The following GRID2 variants were observed in gnomAD, a reference collection of about 807,000 sequenced individuals.
GRID2 encodes glutamate receptor ionotropic, delta-2.
Under a neutral mutation model 114.8 loss-of-function variants are expected in GRID2, and 33 were observed. The ratio of observed to expected loss-of-function variants is 0.29; its 90% confidence interval spans 0.22 to 0.38. The LOEUF is 0.38. Among genes scored for constraint, GRID2 ranks in the 10% least tolerant of loss-of-function variants. The pLI, the probability that GRID2 is intolerant of heterozygous loss-of-function variation, is 1.00. For synonymous variants in GRID2, 505 were observed against 449.9 expected, an observed-to-expected ratio of 1.12 and a Z score of -1.55; for missense variants, 1,184 against 1,257.7, an observed-to-expected ratio of 0.94 and a Z score of 0.89.
chr4:93,780,736 A>T (rs1734462726), intron 1 of GRID2, among the ~76,000 whole-genome samples: 1 of 152,198 alleles, frequency 6.6e-6, no homozygotes, highest in African/African-American at 2.4e-5. Flanking sequence ...GAGGCTCACA[A>T]CCATGGAAAG....
At position 92,957,074 on chromosome 4, in the gene GRID2, G is replaced by A. The variant is rs148756609; in HGVS notation, c.245-127921G>A. 2.6e-3 allele frequency among the ~76,000 whole-genome samples: 394 copies of A among 151,954 alleles called. 4 individuals carry two copies. The highest frequency in any genetic ancestry group is 9.2e-3 in the African/African-American group (382 of 41,456). ...TAGCCCTCTATCAGATATGTCTTTT[G>A]CACGTATTTTCTCTCAGTCTGTTGC... On this transcript the variant is annotated intron_variant, in intron 2 of 15. Coordinates refer to ENST00000282020, the MANE Select transcript of GRID2 (RefSeq NM_001510.4).
intron 10 of GRID2, among the ~76,000 whole-genome samples, chr4:93,428,242 C>T (rs1769040266): frequency 6.6e-6 from 1 of 151,960 alleles, no homozygotes. Flanking sequence ...CTAAAAACTT[C>T]CTTTTTCATA....
chr4:93,019,149 G>T (rs1449649133), intron 2 of GRID2, among the ~76,000 whole-genome samples: 2 of 151,878 alleles, frequency 1.3e-5, no homozygotes, highest in African/African-American at 4.8e-5. Flanking sequence ...TATTCTCTAG[G>T]ATCTAAAAGT....
chr4:92,495,785 A>G (rs2149118109), intron 1 of GRID2, among the ~76,000 whole-genome samples: 1 of 152,022 alleles, frequency 6.6e-6, no homozygotes, highest in Non-Finnish European at 1.5e-5. Flanking sequence ...TAGGGTGGTC[A>G]TTTTCTGATC....
chr4:92,919,875 G>A (rs1749158523), intron 2 of GRID2, among the ~76,000 whole-genome samples: 1 of 152,166 alleles, frequency 6.6e-6, no homozygotes, highest in South Asian at 2.1e-4. Context: ...GGTCCGCTTG[G>A]TGCAGAGCTG....
At chr4:92,847,600 T>C (rs1167434630) in intron 2 of GRID2, among the ~76,000 whole-genome samples, 1 of 152,080 alleles carries the variant, frequency 6.6e-6, no homozygotes, top group East Asian at 1.9e-4. Context: ...ACTTCAGATC[T>C]CTGTAATTTT....
intron 1 of GRID2, among the ~76,000 whole-genome samples, chr4:92,354,043 A>T (rs1728200213): frequency 6.6e-6 from 1 of 152,020 alleles, no homozygotes; most frequent in South Asian, 2.1e-4. Context: ...AAAAAGAGAG[A>T]CAAATGCCAT....
chr4:92,961,942 C>A (rs543562948), intron 2 of GRID2, among the ~76,000 whole-genome samples: 5 of 151,536 alleles, frequency 3.3e-5, no homozygotes, highest in Non-Finnish European at 7.4e-5. Context: ...CAACCATGAC[C>A]GATCTACTAA....
chr4:93,037,869 C>T lies in GRID2; in HGVS notation c.245-47126C>T, dbSNP rs144583664. ...TGTAGTATAGTTTGAAGTTAGGTAGCGTGATCCCTCCAGCTTTCTTCTTTT... is the reference window on the plus strand; with the variant it reads ...TGTAGTATAGTTTGAAGTTAGGTAGTGTGATCCCTCCAGCTTTCTTCTTTT... On this transcript the variant is annotated intron_variant, in intron 2 of 15. Coordinates refer to ENST00000282020, the MANE Select transcript of GRID2 (RefSeq NM_001510.4). 4.6e-5 allele frequency among the ~76,000 whole-genome samples: 7 copies of T among 152,146 alleles called. No homozygotes were observed. The East Asian group carries it at 7.7e-4, about 17-fold the overall frequency.
At chr4:92,553,396 CA>C (rs1682985853) in intron 1 of GRID2, among the ~76,000 whole-genome samples, 1 of 152,060 alleles carries the variant, frequency 6.6e-6, no homozygotes. Context: ...ATACCATGAG[CA>C]AAAGCTTGTT....
chr4:93,241,359 C>T (rs1747488903), intron 8 of GRID2, among the ~76,000 whole-genome samples: 1 of 151,540 alleles, frequency 6.6e-6, no homozygotes, highest in Non-Finnish European at 1.5e-5. Flanking sequence ...ATGGAAATAA[C>T]AGTAGTAGGC....
At chr4:93,007,232 A>G (rs1470165775) in intron 2 of GRID2, among the ~76,000 whole-genome samples, 1 of 152,056 alleles carries the variant, frequency 6.6e-6, no homozygotes, top group African/African-American at 2.4e-5. Flanking sequence ...TATAAAGGTT[A>G]TAACTGAAGA....
intron 4 of GRID2, among the ~76,000 whole-genome samples, chr4:93,119,725 G>A (rs1184425800): frequency 2.0e-5 from 3 of 152,006 alleles, no homozygotes; most frequent in South Asian, 2.1e-4. Context: ...CAACAAAAAG[G>A]CAAAGTTACA....
chr4:92,600,776 G>C (rs141414353), intron 2 of GRID2, among the ~76,000 whole-genome samples: 279 of 152,268 alleles, frequency 1.8e-3, no homozygotes, highest in African/African-American at 6.3e-3. Flanking sequence ...GATCTCCGTC[G>C]CAGAGGGAAA....
At chr4:92,551,541 G>T (rs1308970049) in intron 1 of GRID2, among the ~76,000 whole-genome samples, 5 of 152,092 alleles carry the variant, frequency 3.3e-5, no homozygotes, top group Non-Finnish European at 7.4e-5. Flanking sequence ...GTCAGTGCCT[G>T]GGAGGATTAC....
intron 1 of GRID2, among the ~76,000 whole-genome samples, chr4:92,415,503 A>G (rs931557484): frequency 6.6e-6 from 1 of 151,464 alleles, no homozygotes; most frequent in African/African-American, 2.4e-5. Context: ...AAAGACCATT[A>G]TATCATTCTT....
intron 14 of GRID2, among the ~76,000 whole-genome samples, chr4:93,730,259 G>A (rs1028582966): frequency 6.6e-6 from 1 of 152,102 alleles, no homozygotes; most frequent in Non-Finnish European, 1.5e-5. Flanking sequence ...GACAAACAAG[G>A]GATGTAGATC....
At chr4:93,480,411 C>T (rs903834513) in intron 11 of GRID2, among the ~76,000 whole-genome samples, 1 of 152,018 alleles carries the variant, frequency 6.6e-6, no homozygotes, top group Non-Finnish European at 1.5e-5. Context: ...TAGATTTCTG[C>T]CTTCAGATGT....
At chr4:92,608,186 A>G (rs1729551228) in intron 2 of GRID2, among the ~76,000 whole-genome samples, 1 of 151,810 alleles carries the variant, frequency 6.6e-6, no homozygotes, top group Non-Finnish European at 1.5e-5. Flanking sequence ...CTTTTCTCTC[A>G]AGATCTGTGT....
Sources: gnomAD v4.1 joint callset for allele counts (sites outside exome capture counted in the v4.1 genomes callset) on GRCh38, gnomAD v4.1.1 for gene constraint, MANE v1.5 for transcripts, NCBI Gene and HGNC (gene_info 2026-07-23, HGNC 2026-07-21) for gene names.